Variants in WWOX observed in about 807,000 individuals in gnomAD.
The protein encoded by WWOX is WW domain-containing oxidoreductase.
WWOX carries 69 observed loss-of-function variants against 46.2 expected under a neutral mutation model. The observed-to-expected ratio is 1.49, with a 90% CI of 1.23 to 1.82. The LOEUF (loss-of-function observed/expected upper bound fraction) is 1.82, where lower values mean the gene tolerates loss of function less well. Among genes scored for constraint, WWOX ranks in the 40% most tolerant of loss-of-function variants. The pLI, the probability that WWOX is intolerant of heterozygous loss-of-function variation, is 0.00. For missense variants in WWOX, 919 were observed against 542.6 expected (o/e 1.69, Z -6.89); for synonymous variants, 359 against 202.6 (o/e 1.77, Z -6.56).
intron 8 of WWOX, among the ~76,000 whole-genome samples, chr16:78,986,554 A>G (rs2046788508): frequency 6.6e-6 from 1 of 152,196 alleles, no homozygotes; most frequent in Admixed American, 6.5e-5. Context: ...ATAAATAAGA[A>G]CAAGAATGAC....
At chr16:78,955,924 A>G (rs899077004) in intron 8 of WWOX, among the ~76,000 whole-genome samples, 1 of 152,012 alleles carries the variant, frequency 6.6e-6, no homozygotes, top group Non-Finnish European at 1.5e-5. Context: ...CTGAGATTAC[A>G]TGCATGAGCC....
At chr16:78,331,967 C>T (rs1385231959) in intron 5 of WWOX, among the ~76,000 whole-genome samples, 1 of 152,106 alleles carries the variant, frequency 6.6e-6, no homozygotes, top group East Asian at 1.9e-4. Flanking sequence ...TAGCTGACTC[C>T]AAAGCTGTGT....
intron 8 of WWOX, among the ~76,000 whole-genome samples, chr16:78,634,486 T>A (rs922069700): frequency 6.6e-6 from 1 of 151,910 alleles, no homozygotes; most frequent in East Asian, 1.9e-4. Context: ...GGCGGGCAGA[T>A]CACAAGGTCA....
intron 8 of WWOX, among the ~76,000 whole-genome samples, chr16:78,711,207 G>A (rs1387195068): frequency 6.6e-6 from 1 of 152,206 alleles, no homozygotes; most frequent in African/African-American, 2.4e-5. Context: ...ATATCTGGAA[G>A]CCTCTAAGTG....
chr16:78,525,718 A>G (rs2043448933), intron 8 of WWOX: 1 of 152,040 alleles, frequency 6.6e-6, no homozygotes, highest in African/African-American at 2.4e-5. Flanking sequence ...CCGAGAATCT[A>G]CCATAAGCTA....
chr16:78,849,232 G>C (rs904782434), intron 8 of WWOX, among the ~76,000 whole-genome samples: 3 of 152,168 alleles, frequency 2.0e-5, no homozygotes, highest in Non-Finnish European at 4.4e-5. Flanking sequence ...TGTTGCTACA[G>C]AGTCACTCAT....
intron 5 of WWOX, among the ~76,000 whole-genome samples, chr16:78,251,358 G>C (rs985515076): frequency 6.6e-6 from 1 of 152,136 alleles, no homozygotes; most frequent in Non-Finnish European, 1.5e-5. Context: ...CTCTGGCTTC[G>C]TCATCTTCCC....
intron 8 of WWOX, among the ~76,000 whole-genome samples, chr16:78,934,835 C>T (rs1214302311): frequency 6.6e-6 from 1 of 152,166 alleles, no homozygotes; most frequent in African/African-American, 2.4e-5. Context: ...CATGGTGGCT[C>T]GCATCTATAA....
intron 5 of WWOX, among the ~76,000 whole-genome samples, chr16:78,216,764 C>A (rs2036735723): frequency 6.6e-6 from 1 of 151,872 alleles, no homozygotes; most frequent in Admixed American, 6.6e-5. Flanking sequence ...CAGAGCTTTG[C>A]TTTGTTGCCC....
intron 8 of WWOX, chr16:78,506,565 C>T (rs1213951506): frequency 1.3e-5 from 2 of 152,130 alleles, no homozygotes; most frequent in Non-Finnish European, 2.9e-5. Context: ...GACACAGAAT[C>T]CCCTAAGTGG....
At chr16:78,858,984 C>G (rs1425045260) in intron 8 of WWOX, among the ~76,000 whole-genome samples, 3 of 112,246 alleles carry the variant, frequency 2.7e-5, no homozygotes, top group African/African-American at 7.2e-5. Context: ...TGGCCAATAT[C>G]TACTAGTTTT....
rs933523798 is a variant in WWOX at position 78,783,420 on chromosome 16, A to G, written c.1056+350668A>G. ...GCTACACGACCAAGAGACAGAAGAG[A>G]GGAAGGAGTTTGTACCCACAACTCA... On this transcript the variant is annotated intron_variant, in intron 8 of 8. Coordinates refer to ENST00000566780, the MANE Select transcript of WWOX (RefSeq NM_016373.4). Among the ~76,000 whole-genome samples, 4 of 152,314 alleles carry G rather than the reference A, an allele frequency of 2.6e-5. No homozygotes were observed. The East Asian group carries it at 5.8e-4, about 22-fold the overall frequency.
At chr16:78,578,872 G>C (rs1471747637) in intron 8 of WWOX, among the ~76,000 whole-genome samples, 2 of 152,166 alleles carry the variant, frequency 1.3e-5, no homozygotes, top group African/African-American at 4.8e-5. Context: ...ACAGGTTAAT[G>C]GGAAAGGTGC....
chr16:78,962,124 C>T (rs537758602), intron 8 of WWOX, among the ~76,000 whole-genome samples: 1 of 152,070 alleles, frequency 6.6e-6, no homozygotes, highest in Admixed American at 6.5e-5. Flanking sequence ...GAGGGAGAGG[C>T]TTGCCATCTG....
chr16:78,504,939 A>G (rs182521624), intron 8 of WWOX, among the ~76,000 whole-genome samples: 90 of 151,896 alleles, frequency 5.9e-4, no homozygotes, highest in African/African-American at 2.1e-3. Flanking sequence ...ACGTTGCAGG[A>G]CTCCCCGGAA....
intron 5 of WWOX, among the ~76,000 whole-genome samples, chr16:78,299,789 A>G (rs999500071): frequency 3.3e-5 from 5 of 152,036 alleles, no homozygotes; most frequent in Non-Finnish European, 5.9e-5. Flanking sequence ...TTGGCCTCCC[A>G]AAGTGCTGGG....
intron 7 of WWOX, among the ~76,000 whole-genome samples, chr16:78,426,661 A>T (rs1034871499): frequency 1.3e-5 from 2 of 151,896 alleles, no homozygotes; most frequent in Non-Finnish European, 2.9e-5. Context: ...ATCGTTATTT[A>T]TTATTACTGT....
rs2036488439 is a variant in WWOX, at chr16:78,209,385, T to C, written c.516+45096T>C. 2.0e-5 allele frequency among the ~76,000 whole-genome samples: 3 copies of C among 152,220 alleles called. No homozygotes were observed. The South Asian group carries it at 6.2e-4, about 32-fold the overall frequency. On this transcript the variant is annotated intron_variant, in intron 5 of 8. Transcript: ENST00000566780. The stretch of plus-strand genomic sequence containing the variant: ...CCTTCTTCATCTAGCTCAAGCCAAC[T>C]GTCAGAAATGCATGTCAGAGCTACA...
chr16:78,161,605 C>G (rs1031062589), intron 4 of WWOX, among the ~76,000 whole-genome samples: 2 of 152,128 alleles, frequency 1.3e-5, no homozygotes, highest in Admixed American at 6.6e-5. Flanking sequence ...TGCCACCACA[C>G]CTGGCTATTT....
Sources: allele counts gnomAD v4.1 joint callset (sites outside exome capture counted in the v4.1 genomes callset), GRCh38; gene constraint gnomAD v4.1.1; transcripts MANE v1.5; gene names NCBI Gene and HGNC (gene_info 2026-07-23, HGNC 2026-07-21).